Variants in LYPD8 observed in about 807,000 individuals in gnomAD.
LYPD8 encodes LY6/PLAUR domain containing 8.
Under a neutral mutation model 1.7 loss-of-function variants are expected in LYPD8, and 8 were observed. The observed-to-expected ratio is 4.58, with a 90% CI of 2.69 to 8.27. The LOEUF (loss-of-function observed/expected upper bound fraction) is 8.27, where lower values mean the gene tolerates loss of function less well. LYPD8 is among the 30% of genes most tolerant of loss of function. The pLI, the probability that LYPD8 is intolerant of heterozygous loss-of-function variation, is 0.00. For synonymous variants in LYPD8, 50 were observed against 43.6 expected, an observed-to-expected ratio of 1.15 and a Z score of -0.58; for missense variants, 112 against 102.3, an observed-to-expected ratio of 1.09 and a Z score of -0.41.
In LYPD8 at chr1:248,739,684, T is replaced by A; in HGVS notation, c.641A>T (p.His214Leu). The change falls in exon 7 of 7, where the codon CAC (histidine) becomes CTC (leucine). Residue 214 changes from histidine to leucine, a missense_variant. Transcript: ENST00000590317. This position sits in a 1 kb window ranked among gnomAD's most constrained non-coding sequence, Gnocchi z 4.3. The stretch of plus-strand genomic sequence containing the variant: ...GAGGGAAGCTTTGGAGCCCACGTTG[T>A]GGGAAGTGGTTGGTGCAGACGTGGG... The part of the protein sequence containing the change: ...LTPTSAPTTS[H>L]NVGSKASLYL... The A allele has an allele frequency of 1.3e-6, 2 of 1,551,708 alleles. No individual in the cohort carries two copies. Among genetic ancestry groups the A allele is most frequent in the Non-Finnish European group, 1.7e-6 (2 of 1,146,986 alleles).
At chr1:248,751,332 G>A (rs903259563) in intron 2 of LYPD8, among the ~76,000 whole-genome samples, 1 of 151,174 alleles carries the variant, frequency 6.6e-6, no homozygotes, top group Non-Finnish European at 1.5e-5. Context: ...GCCTGCAGGA[G>A]CATCTACACG....
intron 4 of LYPD8, 108 bp downstream of exon 4, chr1:248,750,416 T>C (rs1662781255): frequency 5.0e-6 from 2 of 396,384 alleles, no homozygotes; most frequent in South Asian, 1.4e-4. Flanking sequence ...CCTCTCTCCT[T>C]GGACAGCACG....
chr1:248,753,756 TACAC>T (rs1174266433), intron 2 of LYPD8, among the ~76,000 whole-genome samples: 2 of 93,350 alleles, frequency 2.1e-5, no homozygotes, highest in Non-Finnish European at 4.4e-5. Context: ...ACACAACACA[TACAC>T]ACCACATCAC....
intron 2 of LYPD8, among the ~76,000 whole-genome samples, chr1:248,752,968 ACAACAC>A: frequency 1.0e-5 from 1 of 97,454 alleles, no homozygotes; most frequent in South Asian, 3.3e-4. Context: ...AACACCCCAC[ACAACAC>A]ACACACAACA....
At chr1:248,740,443 G>A (rs2103164489) in intron 6 of LYPD8, among the ~76,000 whole-genome samples, 1 of 152,320 alleles carries the variant, frequency 6.6e-6, no homozygotes, top group East Asian at 1.9e-4. Context: ...TCATGTACTA[G>A]AAAAAGGCCT....
At chr1:248,748,519 C>A (rs1662748799) in intron 4 of LYPD8, 66 bp from the exon 5 acceptor site, 2 of 398,980 alleles carry the variant, frequency 5.0e-6, no homozygotes, top group Admixed American at 4.4e-5. Flanking sequence ...GGTGGAGACC[C>A]AGAATAGCAA....
At chr1:248,752,673 CCACACACACACCACACCCCACAA>C (rs1662823577) in intron 2 of LYPD8, among the ~76,000 whole-genome samples, 1 of 119,876 alleles carries the variant, frequency 8.3e-6, no homozygotes, top group Admixed American at 9.3e-5. Context: ...ACACACCACA[CCACACACACACCACACCCCACAA>C]CACACACACA....
rs1187075075 is a variant in LYPD8 at position 248,751,172 on chromosome 1, C to G, written c.-49-42G>C. ...AAGGCAGCCCCGGGGCCTTGGAGGG[C>G]TGCCTCTCATCCCCTGGGGCTTTTA... On this transcript the variant is annotated intron_variant, in intron 2 of 6. Coordinates refer to ENST00000590317, the MANE Select transcript of LYPD8 (RefSeq NM_001085474.2). 22 of 398,344 alleles carry G rather than the reference C, an allele frequency of 5.5e-5. No homozygotes were observed. The East Asian group carries it at 7.8e-4, about 14-fold the overall frequency. The allele number at this position is 398,344 out of a possible 1,614,324, so 24.7% of individuals were successfully genotyped here. A position where few individuals can be genotyped will look rare whatever the true frequency, so the allele number is the denominator to read the frequency against.
In LYPD8 at chr1:248,754,790, A is replaced by T. The variant is rs1001290786; in HGVS notation, c.-50+449T>A. Among the ~76,000 whole-genome samples the T allele has an allele frequency of 4.1e-3, 622 of 152,238 alleles. 9 individuals carry two copies. Among genetic ancestry groups the T allele is most frequent in the African/African-American group, 0.013 (556 of 41,524 alleles). The stretch of plus-strand genomic sequence containing the variant: ...GGAAAATAAAGCACATCTGGTCTGG[A>T]GCTTGTAGCAGACGTGCGCCAGCCC... On this transcript the variant is annotated intron_variant, in intron 2 of 6. Coordinates refer to ENST00000590317, the MANE Select transcript of LYPD8 (RefSeq NM_001085474.2).
At chr1:248,740,367 A>G (rs1435500079) in intron 6 of LYPD8, among the ~76,000 whole-genome samples, 1 of 152,210 alleles carries the variant, frequency 6.6e-6, no homozygotes, top group Admixed American at 6.5e-5. Flanking sequence ...CAGGAGGCAT[A>G]TAAGAGACCA....
chr1:248,754,011 CACT>C (rs1297858914), intron 2 of LYPD8, among the ~76,000 whole-genome samples: 5 of 121,188 alleles, frequency 4.1e-5, no homozygotes, highest in African/African-American at 1.4e-4. Flanking sequence ...ACTGCACATA[CACT>C]ACATCACACA....
intron 2 of LYPD8, among the ~76,000 whole-genome samples, chr1:248,753,931 CACA>C (rs1350791323): frequency 2.0e-5 from 3 of 148,176 alleles, no homozygotes; most frequent in African/African-American, 7.6e-5. Flanking sequence ...ACACAACACA[CACA>C]ACACATAACA....
chr1:248,755,497 C>T (rs1239138053), intron 1 of LYPD8, 111 bp from the exon 2 acceptor site: 1 of 152,812 alleles, frequency 6.5e-6, no homozygotes, highest in Non-Finnish European at 1.5e-5. Flanking sequence ...GGCAAAACAA[C>T]AAGAAAACTA....
chr1:248,749,375 T>C (rs1188421134), intron 4 of LYPD8, among the ~76,000 whole-genome samples: 1 of 152,228 alleles, frequency 6.6e-6, no homozygotes, highest in Non-Finnish European at 1.5e-5. Context: ...ACAGTTAATT[T>C]TCTCAGGTAT....
chr1:248,744,396 ATTG>A (rs1231501613), intron 6 of LYPD8, among the ~76,000 whole-genome samples: 1 of 152,270 alleles, frequency 6.6e-6, no homozygotes, highest in African/African-American at 2.4e-5. Flanking sequence ...CATCACTGGT[ATTG>A]TTAACAGCAA....
intron 2 of LYPD8, among the ~76,000 whole-genome samples, chr1:248,753,029 CCACACACCACA>C (rs1662844720): frequency 9.2e-6 from 1 of 108,120 alleles, no homozygotes; most frequent in South Asian, 3.1e-4. Flanking sequence ...ACCACACACC[CCACACACCACA>C]CACACATCAC....
intron 6 of LYPD8, among the ~76,000 whole-genome samples, chr1:248,741,566 T>TA (rs797039453): frequency 9.2e-5 from 14 of 152,188 alleles, no homozygotes; most frequent in African/African-American, 2.6e-4. Context: ...TCTACTGTAT[T>TA]AAAAAAAGTG....
intron 2 of LYPD8, among the ~76,000 whole-genome samples, 170 bp downstream of exon 2, chr1:248,755,069 C>T (rs1662900349): frequency 6.6e-6 from 1 of 152,174 alleles, no homozygotes; most frequent in African/African-American, 2.4e-5. Context: ...AAACTAGCCT[C>T]ATTTTCAGGG....
At position 248,739,457 on chromosome 1, in the gene LYPD8, G is replaced by A; in HGVS notation, c.*154C>T. The A allele has an allele frequency of 1.0e-6, 1 of 989,130 alleles. No individual in the cohort carries two copies. Among genetic ancestry groups the A allele is most frequent in the South Asian group, 1.6e-5 (1 of 60,892 alleles). 61.3% of individuals were successfully genotyped at this position (989,130 alleles called of 1,614,324 possible). A position where few individuals can be genotyped will look rare whatever the true frequency, so the allele number is the denominator to read the frequency against. On this transcript the variant is annotated 3_prime_UTR_variant, in exon 7 of 7. Coordinates refer to ENST00000590317, the MANE Select transcript of LYPD8 (RefSeq NM_001085474.2). This position sits in a 1 kb window ranked among gnomAD's most constrained non-coding sequence, Gnocchi z 4.3. ...CCAGTGCTTTAATAATGAAGAACAA[G>A]GCAGCTGTCGGCATTGCCTGGAGAC...
Sources: gnomAD v4.1 joint callset for allele counts (sites outside exome capture counted in the v4.1 genomes callset) on GRCh38, gnomAD v4.1.1 for gene constraint, Gnocchi (gnomAD v3.1) non-coding constraint, MANE v1.5 for transcripts, NCBI Gene and HGNC (gene_info 2026-07-23, HGNC 2026-07-21) for gene names.